The following CALD1 variants were observed in gnomAD, a reference collection of about 807,000 sequenced individuals.
CALD1 encodes caldesmon 1, also known as caldesmon.
A neutral mutation model predicts 99.9 loss-of-function variants in CALD1; 33 were observed. The ratio of observed to expected loss-of-function variants is 0.33; its 90% confidence interval spans 0.25 to 0.44. CALD1 has a LOEUF of 0.44. Among genes scored for constraint, CALD1 ranks in the 20% least tolerant of loss-of-function variants. The probability of loss-of-function intolerance (pLI) is 1.00; values close to 1 mark genes in which losing one functional copy is unlikely to be tolerated. For missense variants in CALD1, 861 were observed against 962.1 expected (o/e 0.89, Z 1.39); for synonymous variants, 310 against 325.0 (o/e 0.95, Z 0.50).
chr7:134,934,794 TCACTTGAAC>T (rs769947786), intron 5 of CALD1, among the ~76,000 whole-genome samples: 2 of 151,994 alleles, frequency 1.3e-5, no homozygotes, highest in African/African-American at 2.4e-5. Context: ...GGCAGGAGAA[TCACTTGAAC>T]CTGGGAGGCA....
chr7:134,928,244 G>A (rs1805198687), intron 3 of CALD1, among the ~76,000 whole-genome samples: 1 of 151,414 alleles, frequency 6.6e-6, no homozygotes, highest in Non-Finnish European at 1.5e-5. Context: ...AGCCTGGCCA[G>A]CTTGGCAAAA....
chr7:134,853,133 A>G (rs1800149088), intron 2 of CALD1, among the ~76,000 whole-genome samples: 1 of 152,180 alleles, frequency 6.6e-6, no homozygotes, highest in Non-Finnish European at 1.5e-5. Context: ...CCGGGTCTGC[A>G]TGAATTCTGG....
chr7:134,720,857 G>T, the CALD1 span, among the ~76,000 whole-genome samples: 12 of 152,324 alleles, frequency 7.9e-5, no homozygotes, highest in Non-Finnish European at 1.2e-4. Context: ...TTATATTCAT[G>T]GGCTTGTACA....
intron 3 of CALD1, chr7:134,891,527 A>C: frequency 6.6e-7 from 1 of 1,517,376 alleles, no homozygotes; most frequent in Non-Finnish European, 8.9e-7. Context: ...CACAGATCAC[A>C]TGGCCCCTCC....
Position 134,968,771 on chromosome 7 carries a change from C to A in CALD1, c.*426C>A. 4.4e-6 allele frequency: 1 copy of A among 226,286 alleles called. No homozygotes were observed. Among genetic ancestry groups the A allele is most frequent in the South Asian group, 6.9e-5 (1 of 14,510 alleles). 14.0% of individuals were successfully genotyped at this position (226,286 alleles called of 1,614,324 possible). A position where few individuals can be genotyped will look rare whatever the true frequency, so the allele number is the denominator to read the frequency against. ...GTTGTTTCTGCACTTTATAATAAAGCATGGAAGAAATTATCTTAGTAGGCA... is the reference window on the plus strand; with the variant it reads ...GTTGTTTCTGCACTTTATAATAAAGAATGGAAGAAATTATCTTAGTAGGCA... On this transcript the variant is annotated 3_prime_UTR_variant, in exon 15 of 15. Coordinates refer to ENST00000361675, the MANE Select transcript of CALD1 (RefSeq NM_033138.4).
At chr7:134,842,137 T>C (rs1190737165) in intron 1 of CALD1, among the ~76,000 whole-genome samples, 1 of 152,198 alleles carries the variant, frequency 6.6e-6, no homozygotes, top group African/African-American at 2.4e-5. Flanking sequence ...GTACATCACC[T>C]TGTGCTGTGT....
At chr7:134,963,048 G>C in intron 13 of CALD1, 1 of 378,266 alleles carries the variant, frequency 2.6e-6, no homozygotes, top group Non-Finnish European at 5.3e-6. Flanking sequence ...AGATTCATCG[G>C]CAGGATTTAT....
At chr7:134,791,325 TA>T (rs1456844821) in intron 1 of CALD1, among the ~76,000 whole-genome samples, 5 of 152,162 alleles carry the variant, frequency 3.3e-5, no homozygotes, top group African/African-American at 9.7e-5. Context: ...GCCTCCTGAG[TA>T]GCTGGGATTA....
chr7:134,712,950 C>A, the CALD1 span, among the ~76,000 whole-genome samples: 3 of 152,314 alleles, frequency 2.0e-5, no homozygotes, highest in Middle Eastern at 6.8e-3. Context: ...CCCATTCACT[C>A]CTTCCCTCTT....
At chr7:134,940,859 G>C (rs1216313601) in intron 6 of CALD1, among the ~76,000 whole-genome samples, 1 of 152,200 alleles carries the variant, frequency 6.6e-6, no homozygotes, top group African/African-American at 2.4e-5. Flanking sequence ...ACCTCAGTGA[G>C]ATCAGGGATG....
chr7:134,750,541 A>G (rs1314120202), intron 1 of CALD1, among the ~76,000 whole-genome samples: 3 of 152,170 alleles, frequency 2.0e-5, no homozygotes, highest in Non-Finnish European at 4.4e-5. Context: ...AGACTTAAAA[A>G]TCCTGCCATC....
At chr7:134,858,673 G>A (rs1157983416) in intron 2 of CALD1, among the ~76,000 whole-genome samples, 3 of 152,062 alleles carry the variant, frequency 2.0e-5, no homozygotes, top group South Asian at 2.1e-4. Context: ...AGGTTCAAGC[G>A]ATTCTCCTGC....
intron 3 of CALD1, among the ~76,000 whole-genome samples, chr7:134,886,823 G>C (rs1275139205): frequency 1.3e-5 from 2 of 152,220 alleles, no homozygotes; most frequent in Non-Finnish European, 1.5e-5. Context: ...ACTGCTTTCA[G>C]AGTACTGTTC....
chr7:134,929,308 T>G (rs1805304451), intron 4 of CALD1, among the ~76,000 whole-genome samples: 1 of 151,972 alleles, frequency 6.6e-6, no homozygotes, highest in African/African-American at 2.4e-5. Context: ...GATAAGTTCT[T>G]TAATGGTGAT....
rs1797200585 is a variant in CALD1, at chr7:134,783,758, G to T, written c.-130+4009G>T. On this transcript the variant is annotated intron_variant, in intron 1 of 14. Transcript: ENST00000361675. The surrounding 1 kb of genome is among the most constrained non-coding windows in gnomAD (Gnocchi z 4.3). ...CTGGGGCATGTAAGATGGGGAGTGG[G>T]GTCAGATCTGGATTCCCATAGAAGA... is the stretch of plus-strand genomic sequence containing the variant. Among the ~76,000 whole-genome samples the T allele has an allele frequency of 6.6e-6, 1 of 152,106 alleles. No individual in the cohort carries two copies. Among genetic ancestry groups the T allele is most frequent in the South Asian group, 2.1e-4 (1 of 4,818 alleles).
chr7:134,861,734 A>G (rs2132283591), intron 2 of CALD1, among the ~76,000 whole-genome samples: 1 of 152,330 alleles, frequency 6.6e-6, no homozygotes, highest in Admixed American at 6.5e-5. Context: ...GTGAGGCCTC[A>G]CTGAAGTAGC....
At chr7:134,732,521 C>T in the CALD1 span, among the ~76,000 whole-genome samples, 1 of 152,162 alleles carries the variant, frequency 6.6e-6, no homozygotes, top group African/African-American at 2.4e-5. Flanking sequence ...ACAGAAGGTG[C>T]CATCTATAAG....
intron 2 of CALD1, among the ~76,000 whole-genome samples, chr7:134,859,608 G>A (rs1453882874): frequency 6.6e-6 from 1 of 152,226 alleles, no homozygotes; most frequent in Non-Finnish European, 1.5e-5. Flanking sequence ...GTTTTCCACT[G>A]ATTTGTAGTG....
At position 134,969,294 on chromosome 7, in the gene CALD1, A is replaced by G. The variant is rs1451945489; in HGVS notation, c.*949A>G. ...ATTAGAACTGTTAGAAGGAGTTGAA[A>G]TTTTCTAAAAGACATAGTATTTAGT... On this transcript the variant is annotated 3_prime_UTR_variant, in exon 15 of 15. Transcript: ENST00000361675. 2 of 152,198 alleles carry G rather than the reference A, an allele frequency of 1.3e-5. No homozygotes were observed. The highest frequency in any genetic ancestry group is 1.5e-5 in the Non-Finnish European group (1 of 68,030). 9.4% of individuals were successfully genotyped at this position (152,198 alleles called of 1,614,324 possible).
Sources: allele counts gnomAD v4.1 joint callset (sites outside exome capture counted in the v4.1 genomes callset), GRCh38; gene constraint gnomAD v4.1.1; non-coding constraint Gnocchi (gnomAD v3.1); transcripts MANE v1.5; gene names NCBI Gene and HGNC (gene_info 2026-07-23, HGNC 2026-07-21).